ZFYVE26: variants seen among roughly 807,000 people sequenced by gnomAD.
ZFYVE26 encodes the protein zinc finger FYVE domain-containing protein 26.
ZFYVE26 carries 181 observed loss-of-function variants against 276.5 expected under a neutral mutation model. The observed-to-expected ratio is 0.65, with a 90% CI of 0.58 to 0.74. ZFYVE26 has a LOEUF of 0.74. Among genes scored for constraint, ZFYVE26 ranks in the 30% least tolerant of loss-of-function variants. ZFYVE26 has a pLI of 0.00. For synonymous variants in ZFYVE26, 1,129 were observed against 1,203.1 expected (o/e 0.94, Z 1.27); for missense variants, 2,821 against 3,097.9 (o/e 0.91, Z 2.12).
intron 13 of ZFYVE26, among the ~76,000 whole-genome samples, chr14:67,736,034 T>C (rs1215842210): frequency 6.6e-6 from 1 of 152,168 alleles, no homozygotes; most frequent in African/African-American, 2.4e-5. Flanking sequence ...AGTTATAAGA[T>C]GGACACTCAG....
At chr14:67,731,110 T>G (rs921482850) in intron 13 of ZFYVE26, among the ~76,000 whole-genome samples, 1 of 152,138 alleles carries the variant, frequency 6.6e-6, no homozygotes, top group African/African-American at 2.4e-5. Flanking sequence ...CTAAATAAAT[T>G]TCACCAATTT....
chr14:67,739,191 C>T (rs1195837381), intron 13 of ZFYVE26, among the ~76,000 whole-genome samples: 1 of 152,178 alleles, frequency 6.6e-6, no homozygotes, highest in East Asian at 1.9e-4. Context: ...AAGAAATTTT[C>T]TGTCTTGTGT....
chr14:67,804,504 C>T (rs1198512986), intron 8 of ZFYVE26, among the ~76,000 whole-genome samples: 1 of 152,140 alleles, frequency 6.6e-6, no homozygotes, highest in African/African-American at 2.4e-5. Context: ...CCTTTCAGAT[C>T]AGTAGGGTCT....
At position 67,775,082 on chromosome 14, in the gene ZFYVE26, G is replaced by T. The variant is rs746079347; in HGVS notation, c.5254C>A (p.Gln1752Lys). 1 of 1,611,702 alleles carries T rather than the reference G, an allele frequency of 6.2e-7. No individual in the cohort carries two copies. The highest frequency in any genetic ancestry group is 1.7e-5 in the Admixed American group (1 of 59,516). ...SVIHLQEIVH[Q>K]AADPETLPRS... The stretch of plus-strand genomic sequence containing the variant: ...GGGAGGGTCTCGGGATCTGCAGCCT[G>T]GTGGACAATTTCTTGGAGGTGAATC... Residue 1752 changes from glutamine (Q) to lysine (K), a missense_variant, in exon 27 of 42, where the codon CAG becomes AAG. Physicochemically the swap from Gln to Lys is moderately conservative, Grantham distance 53. Coordinates refer to ENST00000347230, the MANE Select transcript of ZFYVE26 (RefSeq NM_015346.4).
chr14:67,749,351 C>T (rs1048555186), intron 41 of ZFYVE26, among the ~76,000 whole-genome samples: 1 of 152,196 alleles, frequency 6.6e-6, no homozygotes, highest in Non-Finnish European at 1.5e-5. Flanking sequence ...TTGACTCTGC[C>T]TGCTTGGACC....
chr14:67,737,793 A>T (rs1401762758), intron 13 of ZFYVE26, among the ~76,000 whole-genome samples: 1 of 152,056 alleles, frequency 6.6e-6, no homozygotes, highest in Non-Finnish European at 1.5e-5. Context: ...AAACTCCTGG[A>T]CTCAAGTGAT....
rs7156206 is a variant in ZFYVE26 at position 67,785,950 on chromosome 14, C to G, written c.3212G>C (p.Ser1071Thr). ...ITELLQMCWP[S>T]LSEDCVASHT... ...GCTGGCAACACAGTCCTCGCTTAGG[C>G]TGGGCCAGCACATCTGAAGCAGTTC... Residue 1071 changes from serine (S) to threonine (T), a missense_variant, in exon 18 of 42, where the codon AGC becomes ACC. Transcript: ENST00000347230. The G allele has an allele frequency of 6.2e-7, 1 of 1,614,102 alleles. No homozygotes were observed. Among genetic ancestry groups the G allele is most frequent in the African/African-American group, 1.3e-5 (1 of 74,942 alleles).
At chr14:67,799,363 C>G in intron 10 of ZFYVE26, 1 of 1,610,552 alleles carries the variant, frequency 6.2e-7, no homozygotes, top group Non-Finnish European at 8.5e-7. Context: ...AGGCCTTTGT[C>G]AAAGAATCGA....
At chr14:67,780,507 G>A (rs1043289061) in intron 22 of ZFYVE26, among the ~76,000 whole-genome samples, 162 bp from the exon 23 acceptor site, 1 of 152,176 alleles carries the variant, frequency 6.6e-6, no homozygotes, top group Non-Finnish European at 1.5e-5. Context: ...AGATTATTTA[G>A]AGAGCAGAGT....
intron 27 of ZFYVE26, among the ~76,000 whole-genome samples, chr14:67,774,426 G>A (rs1056525511): frequency 6.6e-6 from 1 of 152,134 alleles, no homozygotes; most frequent in Admixed American, 6.5e-5. Context: ...TTGAATCCAG[G>A]AGGCGGAGGT....
At chr14:67,792,815 G>T (rs565547798) in intron 14 of ZFYVE26, among the ~76,000 whole-genome samples, 1 of 148,442 alleles carries the variant, frequency 6.7e-6, no homozygotes, top group African/African-American at 2.5e-5. Context: ...GGGAGGCTGA[G>T]GCAGGAGAAT....
chr14:67,786,026 T>C lies in ZFYVE26; in HGVS notation c.3140-4A>G. The C allele has an allele frequency of 1.2e-6, 2 of 1,614,146 alleles. No homozygotes were observed. Among genetic ancestry groups the C allele is most frequent in the African/African-American group, 1.3e-5 (1 of 75,040 alleles). ...CCTCCCTTTTCTTCCACACTCTCTATGGAAAGCAAATGAGAAAGAAAAAGT... is the reference window on the plus strand; with the variant it reads ...CCTCCCTTTTCTTCCACACTCTCTACGGAAAGCAAATGAGAAAGAAAAAGT... On this transcript the variant is annotated splice_region_variant and splice_polypyrimidine_tract_variant and intron_variant, in intron 17 of 41. Coordinates refer to ENST00000347230, the MANE Select transcript of ZFYVE26 (RefSeq NM_015346.4).
chr14:67,742,838 C>CTTTTTTTTTTTTTTTTTTTTT (rs71446342), downstream of ZFYVE26, among the ~76,000 whole-genome samples: 8 of 89,768 alleles, frequency 8.9e-5, no homozygotes, highest in African/African-American at 2.2e-4. Context: ...TCTTCTTCTT[C>CTTTTTTTTTTTTTTTTTTTTT]TTTTTTTTTT....
downstream of ZFYVE26, among the ~76,000 whole-genome samples, chr14:67,744,525 C>T (rs2038457644): frequency 6.6e-6 from 1 of 152,018 alleles, no homozygotes; most frequent in Admixed American, 6.6e-5. Context: ...GGTTTTAAGC[C>T]CTGCACGCAT....
intron 26 of ZFYVE26, 60 bp from the exon 27 acceptor site, chr14:67,775,174 C>T: frequency 8.4e-7 from 1 of 1,185,890 alleles, no homozygotes. Flanking sequence ...TGATTCACCA[C>T]CCTAGGCATT....
intron 3 of ZFYVE26, among the ~76,000 whole-genome samples, 188 bp downstream of exon 3, chr14:67,813,798 T>C (rs964654949): frequency 2.6e-5 from 4 of 152,184 alleles, no homozygotes; most frequent in African/African-American, 4.8e-5. Context: ...TATATGCCAA[T>C]GTATATTAGT....
At position 67,813,993 on chromosome 14, in the gene ZFYVE26, C is replaced by G. The variant is rs138664542; in HGVS notation, c.266G>C (p.Arg89Pro). The G allele has an allele frequency of 5.1e-5, 82 of 1,613,236 alleles. No individual in the cohort carries two copies. In the Middle Eastern group the frequency reaches 8.2e-4, roughly 16 times the overall value. The stretch of plus-strand genomic sequence containing the variant: ...TAATATAAACCTACTTACCTTTTCC[C>G]GGGCCAACCATTTCTCCAGTACAAG... ...WLLVLEKWLA[R>P]EKKLLPVVFR... Residue 89 changes from arginine to proline, a missense_variant, in exon 3 of 42, where the codon CGG becomes CCG. Coordinates refer to ENST00000347230, the MANE Select transcript of ZFYVE26 (RefSeq NM_015346.4).
At chr14:67,757,713 T>C (rs569712028) in intron 35 of ZFYVE26, among the ~76,000 whole-genome samples, 2 of 150,974 alleles carry the variant, frequency 1.3e-5, no homozygotes, top group East Asian at 3.9e-4. Context: ...CTCTCTCTCT[T>C]TCTTTCTTTT....
At position 67,802,256 on chromosome 14, in the gene ZFYVE26, G is replaced by T. The variant is rs145455748; in HGVS notation, c.1462C>A (p.His488Asn). The T allele has an allele frequency of 6.2e-7, 1 of 1,614,232 alleles. No individual in the cohort carries two copies. Among genetic ancestry groups the T allele is most frequent in the Non-Finnish European group, 8.5e-7 (1 of 1,180,038 alleles). ...GTCAGGTTCTGACACTGGCTCAGGT[G>T]CTCAGGGACTGGAGCATCAACTGCA... Reference protein sequence around the residue: ...PDAVDAPVPEHLSQCQNLTLY... With the variant: ...PDAVDAPVPENLSQCQNLTLY... The change falls in exon 10 of 42, where the codon CAC (histidine) becomes AAC (asparagine). Residue 488 changes from histidine (H) to asparagine (N), a missense_variant. Coordinates refer to ENST00000347230, the MANE Select transcript of ZFYVE26 (RefSeq NM_015346.4).
Sources: gnomAD v4.1 joint callset for allele counts (sites outside exome capture counted in the v4.1 genomes callset) on GRCh38, gnomAD v4.1.1 for gene constraint, MANE v1.5 for transcripts, NCBI Gene and HGNC (gene_info 2026-07-23, HGNC 2026-07-21) for gene names.